Variants in MDGA2 observed in about 807,000 individuals in gnomAD.
The protein encoded by MDGA2 is MAM domain-containing glycosylphosphatidylinositol anchor protein 2.
Under a neutral mutation model 117.8 loss-of-function variants are expected in MDGA2, and 40 were observed. The observed-to-expected ratio is 0.34, with a 90% CI of 0.26 to 0.44. The LOEUF (loss-of-function observed/expected upper bound fraction) is 0.44. Among genes scored for constraint, MDGA2 ranks in the 20% least tolerant of loss-of-function variants. The probability of loss-of-function intolerance (pLI) is 1.00; values close to 1 mark genes in which losing one functional copy is unlikely to be tolerated. For missense variants in MDGA2, 1,123 were observed against 1,250.6 expected, an observed-to-expected ratio of 0.90 and a Z score of 1.54; for synonymous variants, 452 against 439.0, an observed-to-expected ratio of 1.03 and a Z score of -0.37.
At chr14:47,325,867 C>G (rs1051396284) in intron 1 of MDGA2, among the ~76,000 whole-genome samples, 7 of 152,018 alleles carry the variant, frequency 4.6e-5, no homozygotes, top group African/African-American at 1.7e-4. Context: ...TATAGAGAGG[C>G]CACTTTGGGT....
chr14:47,107,184 G>A (rs141914754), intron 5 of MDGA2, among the ~76,000 whole-genome samples: 4,602 of 151,326 alleles, frequency 0.03, 202 homozygotes, highest in African/African-American at 0.11. Context: ...ATCCCATCCC[G>A]CAGCACACTT....
At chr14:47,597,416 A>G (rs770061578) in intron 1 of MDGA2, among the ~76,000 whole-genome samples, 9 of 152,214 alleles carry the variant, frequency 5.9e-5, no homozygotes, top group East Asian at 5.8e-4. Flanking sequence ...TCTTTCCAGC[A>G]AATTCACCAA....
intron 10 of MDGA2, among the ~76,000 whole-genome samples, chr14:46,912,861 T>G (rs1395471778): frequency 3.3e-5 from 5 of 152,178 alleles, no homozygotes. Context: ...ATTGTAAAAT[T>G]AGTTTGTAGG....
intron 1 of MDGA2, among the ~76,000 whole-genome samples, chr14:47,490,945 A>G (rs1182578526): frequency 6.6e-6 from 1 of 152,100 alleles, no homozygotes; most frequent in East Asian, 1.9e-4. Context: ...AACATTTCAC[A>G]GAACCTGTGA....
chr14:47,086,637 C>G (rs1018675365), intron 6 of MDGA2, among the ~76,000 whole-genome samples: 10 of 151,694 alleles, frequency 6.6e-5, no homozygotes, highest in African/African-American at 2.4e-4. Context: ...AAATAATTAT[C>G]AATAGTTTCT....
chr14:47,172,963 T>C (rs1284650660), intron 3 of MDGA2, among the ~76,000 whole-genome samples: 2 of 152,256 alleles, frequency 1.3e-5, no homozygotes, highest in South Asian at 2.1e-4. Context: ...AAGGAGCTGA[T>C]GGAGCTGAAA....
chr14:47,622,266 C>T (rs989310280), intron 1 of MDGA2, among the ~76,000 whole-genome samples: 1 of 152,118 alleles, frequency 6.6e-6, no homozygotes, highest in African/African-American at 2.4e-5. Flanking sequence ...TGAATGACAT[C>T]ACTATTTTTT....
At chr14:47,036,035 T>C (rs950188734) in intron 7 of MDGA2, among the ~76,000 whole-genome samples, 34 of 151,958 alleles carry the variant, frequency 2.2e-4, no homozygotes, top group African/African-American at 8.2e-4. Flanking sequence ...TTTGGGATAA[T>C]GAGGCAGGAG....
At chr14:47,247,857 A>G (rs1273888959) in intron 2 of MDGA2, among the ~76,000 whole-genome samples, 2 of 150,234 alleles carry the variant, frequency 1.3e-5, no homozygotes, top group Non-Finnish European at 3.0e-5. Flanking sequence ...ATGTGTTCTC[A>G]TTGTCCAACT....
chr14:47,114,859 G>A (rs1881235667), intron 5 of MDGA2, among the ~76,000 whole-genome samples: 1 of 151,760 alleles, frequency 6.6e-6, no homozygotes, highest in South Asian at 2.1e-4. Flanking sequence ...ACATAGGCAT[G>A]GGCAAAGATT....
intron 9 of MDGA2, among the ~76,000 whole-genome samples, chr14:46,933,044 T>C (rs1051305676): frequency 1.3e-5 from 2 of 152,010 alleles, no homozygotes; most frequent in South Asian, 2.1e-4. Flanking sequence ...ATAAAATGCT[T>C]AGGCATAAAT....
intron 1 of MDGA2, among the ~76,000 whole-genome samples, chr14:47,654,626 A>G (rs1242655137): frequency 6.6e-6 from 1 of 150,990 alleles, no homozygotes; most frequent in Non-Finnish European, 1.5e-5. Flanking sequence ...AAAGTTGAAT[A>G]ACTGAGAGTT....
Position 47,125,417 on chromosome 14 carries a change from A to C in MDGA2, c.925+6297T>G, listed in dbSNP as rs887263532. 1.1e-4 allele frequency among the ~76,000 whole-genome samples: 16 copies of C among 152,288 alleles called. No individual in the cohort carries two copies. The East Asian group carries it at 2.1e-3, about 20-fold the overall frequency. On this transcript the variant is annotated intron_variant, in intron 5 of 16. Coordinates refer to ENST00000399232, the MANE Select transcript of MDGA2 (RefSeq NM_001113498.3). Reference sequence around the variant, plus strand: ...TAGATAACAGTATACCAAAGGTTTTATACTGAAATTCACAACAATTTCTGG... The same window carrying C: ...TAGATAACAGTATACCAAAGGTTTTCTACTGAAATTCACAACAATTTCTGG...
chr14:47,494,746 ATC>A (rs2138661080), intron 1 of MDGA2, among the ~76,000 whole-genome samples: 2 of 151,850 alleles, frequency 1.3e-5, no homozygotes, highest in African/African-American at 4.8e-5. Context: ...GTATATGGTT[ATC>A]CAATTTTCCC....
chr14:46,892,979 T>C (rs1882939384), intron 10 of MDGA2, among the ~76,000 whole-genome samples: 2 of 151,920 alleles, frequency 1.3e-5, no homozygotes, highest in Non-Finnish European at 2.9e-5. Context: ...CGAACTACCA[T>C]ATGACCCAGA....
intron 1 of MDGA2, among the ~76,000 whole-genome samples, chr14:47,524,610 G>A (rs1436362968): frequency 3.3e-5 from 5 of 152,164 alleles, no homozygotes; most frequent in East Asian, 1.9e-4. Flanking sequence ...ATTTAGTGGC[G>A]ATGAATTATC....
chr14:47,389,395 T>A (rs1891837203), intron 1 of MDGA2, among the ~76,000 whole-genome samples: 1 of 152,212 alleles, frequency 6.6e-6, no homozygotes, highest in African/African-American at 2.4e-5. Context: ...AATAATATAT[T>A]GTGCGTGTTT....
At chr14:47,124,105 A>T (rs1881782800) in intron 5 of MDGA2, among the ~76,000 whole-genome samples, 1 of 152,076 alleles carries the variant, frequency 6.6e-6, no homozygotes, top group Non-Finnish European at 1.5e-5. Flanking sequence ...ATGATAAAAA[A>T]TTATTAAAGC....
chr14:47,016,185 T>A (rs911204640), intron 8 of MDGA2, among the ~76,000 whole-genome samples: 1 of 152,112 alleles, frequency 6.6e-6, no homozygotes, highest in Non-Finnish European at 1.5e-5. Flanking sequence ...AATTGCCAAC[T>A]CAGTTACAAT....
Sources: gnomAD v4.1 joint callset for allele counts (sites outside exome capture counted in the v4.1 genomes callset) on GRCh38, gnomAD v4.1.1 for gene constraint, MANE v1.5 for transcripts, NCBI Gene and HGNC (gene_info 2026-07-23, HGNC 2026-07-21) for gene names.